PDSS2: variants seen among roughly 807,000 people sequenced by gnomAD.
PDSS2 encodes decaprenyl diphosphate synthase subunit 2, also known as all trans-polyprenyl-diphosphate synthase PDSS2.
PDSS2 carries 31 observed loss-of-function variants against 44.5 expected under a neutral mutation model. That is an observed-to-expected ratio of 0.70 (90% CI 0.52 to 0.94). The LOEUF (loss-of-function observed/expected upper bound fraction) is 0.94. PDSS2 is among the 40% of genes least tolerant of loss of function. PDSS2 has a pLI of 0.00. For missense variants in PDSS2, 452 were observed against 482.2 expected (o/e 0.94, Z 0.59); for synonymous variants, 157 against 180.3 (o/e 0.87, Z 1.03).
chr6:107,173,263 G>A (rs1771651441), intron 7 of PDSS2, among the ~76,000 whole-genome samples: 2 of 151,710 alleles, frequency 1.3e-5, no homozygotes, highest in South Asian at 2.1e-4. Flanking sequence ...GAAATGTTTA[G>A]TAGTGGATTT....
At chr6:107,395,151 T>C (rs1360777884) in intron 1 of PDSS2, among the ~76,000 whole-genome samples, 1 of 152,168 alleles carries the variant, frequency 6.6e-6, no homozygotes, top group Non-Finnish European at 1.5e-5. Context: ...TTCTGATATG[T>C]CTTGATAAGC....
intron 1 of PDSS2, among the ~76,000 whole-genome samples, chr6:107,358,290 CA>C (rs1310289738): frequency 6.6e-6 from 1 of 152,062 alleles, no homozygotes; most frequent in Admixed American, 6.5e-5. Flanking sequence ...CAAAAAAATC[CA>C]AAATCCAAAA....
rs553230284 is a variant in PDSS2, at chr6:107,277,464, A to T, written c.432-3237T>A. ...ATGGTCTATATTTTACACATGCAAT[A>T]TTTTGAGATGAAAGGATGATATATA... On this transcript the variant is annotated intron_variant, in intron 2 of 7. Transcript: ENST00000369037. Among the ~76,000 whole-genome samples the T allele has an allele frequency of 1.6e-3, 250 of 152,312 alleles. 1 individual carries two copies. The highest frequency in any genetic ancestry group is 5.8e-3 in the African/African-American group (241 of 41,578).
intron 1 of PDSS2, among the ~76,000 whole-genome samples, chr6:107,452,999 T>C (rs957175007): frequency 6.6e-6 from 1 of 152,122 alleles, no homozygotes; most frequent in African/African-American, 2.4e-5. Context: ...ATTATTGTTT[T>C]CTTTTATGAA....
At chr6:107,192,772 C>G (rs1419089425) in intron 7 of PDSS2, among the ~76,000 whole-genome samples, 1 of 150,114 alleles carries the variant, frequency 6.7e-6, no homozygotes, top group Non-Finnish European at 1.5e-5. Flanking sequence ...CAAAGTAAAT[C>G]TATTTTGTAA....
chr6:107,444,104 CT>C (rs1329345952), intron 1 of PDSS2, among the ~76,000 whole-genome samples: 9 of 152,194 alleles, frequency 5.9e-5, no homozygotes, highest in South Asian at 2.1e-4. Flanking sequence ...TCACGGCTCA[CT>C]GCAGTCTCAA....
intron 4 of PDSS2, among the ~76,000 whole-genome samples, chr6:107,223,336 C>A (rs1773680916): frequency 6.6e-6 from 1 of 150,828 alleles, no homozygotes; most frequent in Non-Finnish European, 1.5e-5. Flanking sequence ...TTGAGACCAG[C>A]CTGGGCAACA....
intron 4 of PDSS2, among the ~76,000 whole-genome samples, chr6:107,244,342 T>G (rs1377093104): frequency 1.3e-5 from 2 of 152,216 alleles, no homozygotes; most frequent in Non-Finnish European, 2.9e-5. Flanking sequence ...ACTACAGGGT[T>G]ATTTGCTTAG....
chr6:107,188,105 G>A (rs1477840232), intron 7 of PDSS2, among the ~76,000 whole-genome samples: 1 of 152,132 alleles, frequency 6.6e-6, no homozygotes, highest in Non-Finnish European at 1.5e-5. Flanking sequence ...GGCTGGGTGA[G>A]GTAGCTCATG....
chr6:107,272,747 T>G (rs909132764), intron 3 of PDSS2, among the ~76,000 whole-genome samples: 1 of 150,752 alleles, frequency 6.6e-6, no homozygotes, highest in African/African-American at 2.4e-5. Flanking sequence ...CTTTGGGAGG[T>G]TGAGGTGGGA....
At chr6:107,370,215 T>C (rs1024383413) in intron 1 of PDSS2, among the ~76,000 whole-genome samples, 1 of 152,172 alleles carries the variant, frequency 6.6e-6, no homozygotes, top group Non-Finnish European at 1.5e-5. Flanking sequence ...GCAGGTTTGC[T>C]AACACTTTAC....
intron 1 of PDSS2, among the ~76,000 whole-genome samples, chr6:107,383,590 C>T (rs1418645242): frequency 1.3e-5 from 2 of 151,468 alleles, no homozygotes; most frequent in South Asian, 2.1e-4. Context: ...TATCTAGATA[C>T]AAATAAAGAA....
chr6:107,359,642 G>GGAGA (rs76647834), intron 1 of PDSS2, among the ~76,000 whole-genome samples: 2 of 148,748 alleles, frequency 1.3e-5, no homozygotes, highest in Admixed American at 6.7e-5. Flanking sequence ...AAAAAAAAAG[G>GGAGA]GAGAGAGAGA....
intron 7 of PDSS2, among the ~76,000 whole-genome samples, chr6:107,158,251 T>C (rs1770983454): frequency 1.3e-5 from 2 of 151,452 alleles, no homozygotes; most frequent in African/African-American, 2.4e-5. Flanking sequence ...AGTGGCGCGA[T>C]TGTGGCTCAC....
intron 4 of PDSS2, among the ~76,000 whole-genome samples, chr6:107,216,698 G>A (rs956795433): frequency 3.9e-5 from 6 of 152,098 alleles, no homozygotes; most frequent in Non-Finnish European, 8.8e-5. Context: ...CTGACACTGG[G>A]CAAACTGAAG....
intron 1 of PDSS2, among the ~76,000 whole-genome samples, chr6:107,386,944 C>G (rs1035678297): frequency 6.6e-6 from 1 of 152,162 alleles, no homozygotes; most frequent in African/African-American, 2.4e-5. Flanking sequence ...TCTCCAATAG[C>G]AACAAGATGC....
chr6:107,226,700 C>T (rs571724097), intron 4 of PDSS2, among the ~76,000 whole-genome samples: 24 of 144,680 alleles, frequency 1.7e-4, no homozygotes, highest in Admixed American at 9.9e-4. Context: ...GATGGAGTCT[C>T]GTTCTGTCGC....
intron 4 of PDSS2, among the ~76,000 whole-genome samples, chr6:107,233,056 A>G (rs1055233016): frequency 1.3e-5 from 2 of 152,074 alleles, no homozygotes; most frequent in Admixed American, 6.6e-5. Context: ...GGCTCAAGCA[A>G]TCTTCCTGCC....
chr6:107,376,847 G>A (rs867587801), intron 1 of PDSS2, among the ~76,000 whole-genome samples: 22 of 152,296 alleles, frequency 1.4e-4, no homozygotes, highest in African/African-American at 5.1e-4. Flanking sequence ...GTAGAAAGCT[G>A]AAACTGGATC....
Sources: gnomAD v4.1 joint callset for allele counts (sites outside exome capture counted in the v4.1 genomes callset) on GRCh38, gnomAD v4.1.1 for gene constraint, MANE v1.5 for transcripts, NCBI Gene and HGNC (gene_info 2026-07-23, HGNC 2026-07-21) for gene names.